SPATA17: variants seen among roughly 807,000 people sequenced by gnomAD.
SPATA17 encodes spermatogenesis-associated protein 17.
SPATA17 carries 53 observed loss-of-function variants against 62.2 expected under a neutral mutation model. That is an observed-to-expected ratio of 0.85 (90% CI 0.68 to 1.07). SPATA17 has a LOEUF of 1.07. SPATA17 is among the 50% of genes least tolerant of loss of function. The pLI, the probability that SPATA17 is intolerant of heterozygous loss-of-function variation, is 0.00. For synonymous variants in SPATA17, 146 were observed against 146.8 expected, an observed-to-expected ratio of 0.99 and a Z score of 0.04; for missense variants, 466 against 425.5, an observed-to-expected ratio of 1.10 and a Z score of -0.84.
chr1:217,657,647 T>C (rs1290578691), intron 3 of SPATA17, among the ~76,000 whole-genome samples: 1 of 152,214 alleles, frequency 6.6e-6, no homozygotes, highest in Non-Finnish European at 1.5e-5. Context: ...AACAATGTCA[T>C]ACAGTATATG....
chr1:217,755,540 C>T (rs10746369), intron 6 of SPATA17, among the ~76,000 whole-genome samples: 116,712 of 151,880 alleles, frequency 0.77, 45,219 homozygotes, highest in Non-Finnish European at 0.81. Flanking sequence ...AAGGTGCTTA[C>T]ATAAGGAAAA....
intron 9 of SPATA17, among the ~76,000 whole-genome samples, chr1:217,837,392 C>T (rs1313461648): frequency 6.6e-6 from 1 of 152,004 alleles, no homozygotes; most frequent in Admixed American, 6.6e-5. Context: ...GGGTTCCCTG[C>T]AGGGATACAT....
chr1:217,809,513 A>G (rs981171565), intron 9 of SPATA17, among the ~76,000 whole-genome samples: 15 of 152,178 alleles, frequency 9.9e-5, no homozygotes, highest in Non-Finnish European at 1.5e-5. Flanking sequence ...GTGTCATAAC[A>G]TGGTGGAGAA....
At position 217,755,496 on chromosome 1, in the gene SPATA17, T is replaced by A. The variant is rs558576890; in HGVS notation, c.519+13398T>A. ...TATGCTGAAAAACTTGTCAAAAAAA[T>A]TTTTTTCTTAGTTTACAGAAAAGTG... On this transcript the variant is annotated intron_variant, in intron 6 of 10. Transcript: ENST00000366933. Among the ~76,000 whole-genome samples the A allele has an allele frequency of 4.6e-5, 7 of 152,068 alleles. No homozygotes were observed. The South Asian group carries it at 1.5e-3, about 32-fold the overall frequency.
rs889107247 is a variant in SPATA17 at position 217,744,601 on chromosome 1, T to C, written c.519+2503T>C. Among the ~76,000 whole-genome samples the C allele has an allele frequency of 3.3e-5, 5 of 152,220 alleles. No individual in the cohort carries two copies. The South Asian group carries it at 6.2e-4, about 19-fold the overall frequency. On this transcript the variant is annotated intron_variant, in intron 6 of 10. Coordinates refer to ENST00000366933, the MANE Select transcript of SPATA17 (RefSeq NM_138796.4). ...ACAAATACAAGCTGTCAATGCATTT[T>C]TCTCCTTCTTTATACCATATAAGCT...
intron 9 of SPATA17, among the ~76,000 whole-genome samples, chr1:217,833,416 T>C (rs964798589): frequency 6.6e-6 from 1 of 152,174 alleles, no homozygotes; most frequent in African/African-American, 2.4e-5. Context: ...ATAGCGTTAA[T>C]AAGAGTGATG....
chr1:217,738,907 G>A (rs1175225194), intron 5 of SPATA17, among the ~76,000 whole-genome samples: 1 of 152,190 alleles, frequency 6.6e-6, no homozygotes, highest in African/African-American at 2.4e-5. Context: ...AGCTGAGATT[G>A]TGCCACTGCA....
At chr1:217,789,503 G>T (rs534492253) in intron 8 of SPATA17, among the ~76,000 whole-genome samples, 1 of 152,158 alleles carries the variant, frequency 6.6e-6, no homozygotes, top group African/African-American at 2.4e-5. Flanking sequence ...AAGATTCAAG[G>T]AAGCTCATGC....
intron 9 of SPATA17, among the ~76,000 whole-genome samples, chr1:217,833,553 A>C (rs2103003088): frequency 6.6e-6 from 1 of 152,296 alleles, no homozygotes; most frequent in South Asian, 2.1e-4. Context: ...TCCTTCACTT[A>C]ACCATTTGGT....
chr1:217,862,681 C>T, intron 9 of SPATA17, 93 bp from the exon 10 acceptor site: 2 of 889,826 alleles, frequency 2.2e-6, no homozygotes, highest in Non-Finnish European at 3.5e-6. Context: ...TGAAAGACAT[C>T]TGTCTAGCAA....
intron 9 of SPATA17, among the ~76,000 whole-genome samples, chr1:217,858,770 C>T (rs1675834630): frequency 6.6e-6 from 1 of 152,128 alleles, no homozygotes; most frequent in African/African-American, 2.4e-5. Flanking sequence ...TGGCTCATGC[C>T]TGTAATCCCA....
intron 9 of SPATA17, among the ~76,000 whole-genome samples, chr1:217,812,695 C>G (rs1453646881): frequency 6.6e-6 from 1 of 152,098 alleles, no homozygotes; most frequent in Non-Finnish European, 1.5e-5. Flanking sequence ...TTAATTTAAT[C>G]TATTTGGGTA....
rs921609601 is a variant in SPATA17 at position 217,754,865 on chromosome 1, T to G, written c.519+12767T>G. ...TGCCCTTTATATTAAAACTAGAGACTTAAGGAGAGAGATTATACTCCCAAA... is the reference window on the plus strand; with the variant it reads ...TGCCCTTTATATTAAAACTAGAGACGTAAGGAGAGAGATTATACTCCCAAA... On this transcript the variant is annotated intron_variant, in intron 6 of 10. Transcript: ENST00000366933. Among the ~76,000 whole-genome samples, 3 of 152,200 alleles carry G rather than the reference T, an allele frequency of 2.0e-5. No individual in the cohort carries two copies. The South Asian group carries it at 6.2e-4, about 32-fold the overall frequency.
chr1:217,782,506 C>A (rs2102977011), intron 8 of SPATA17, among the ~76,000 whole-genome samples, 184 bp downstream of exon 8: 1 of 151,996 alleles, frequency 6.6e-6, no homozygotes, highest in Admixed American at 6.6e-5. Flanking sequence ...GTATTGATGG[C>A]AAAAACTCTT....
At chr1:217,634,676 C>T (rs923662753) in intron 1 of SPATA17, among the ~76,000 whole-genome samples, 2 of 152,154 alleles carry the variant, frequency 1.3e-5, no homozygotes, top group African/African-American at 4.8e-5. Flanking sequence ...GTCTAGTCCC[C>T]AGGCAAGAAG....
intron 5 of SPATA17, among the ~76,000 whole-genome samples, chr1:217,698,541 C>T (rs1671514504): frequency 6.6e-6 from 1 of 151,140 alleles, no homozygotes; most frequent in South Asian, 2.1e-4. Context: ...AAAAGTTAGC[C>T]TTTGCCTTTG....
chr1:217,738,394 T>C (rs1362356568), intron 5 of SPATA17, among the ~76,000 whole-genome samples: 2 of 152,098 alleles, frequency 1.3e-5, no homozygotes, highest in Admixed American at 6.6e-5. Context: ...GCATATCCAG[T>C]TGAGTAGATA....
intron 9 of SPATA17, among the ~76,000 whole-genome samples, chr1:217,859,486 C>T (rs1675855285): frequency 6.6e-6 from 1 of 151,994 alleles, no homozygotes; most frequent in Non-Finnish European, 1.5e-5. Context: ...TGGCTCACTG[C>T]AACCTCAAAC....
chr1:217,734,095 C>G (rs1323085784), intron 5 of SPATA17, among the ~76,000 whole-genome samples: 1 of 152,150 alleles, frequency 6.6e-6, no homozygotes, highest in Non-Finnish European at 1.5e-5. Flanking sequence ...TCCAGATAAT[C>G]TATTCCATGG....
Sources: allele counts gnomAD v4.1 joint callset (sites outside exome capture counted in the v4.1 genomes callset), GRCh38; gene constraint gnomAD v4.1.1; transcripts MANE v1.5; gene names NCBI Gene and HGNC (gene_info 2026-07-23, HGNC 2026-07-21).